NIPBL: variants seen among roughly 807,000 people sequenced by gnomAD.
NIPBL encodes the protein nipped-B-like protein.
NIPBL carries 19 observed loss-of-function variants against 321.8 expected under a neutral mutation model. That is an observed-to-expected ratio of 0.06 (90% confidence interval 0.04 to 0.09). The LOEUF (loss-of-function observed/expected upper bound fraction) is 0.09, where lower values mean the gene tolerates loss of function less well. Ranked by LOEUF, NIPBL falls within the 10% of genes least tolerant of loss-of-function variation. The probability of loss-of-function intolerance (pLI) is 1.00; values close to 1 mark genes in which losing one functional copy is unlikely to be tolerated. For missense variants in NIPBL, 2,210 were observed against 3,327.0 expected (o/e 0.66, Z 8.26); for synonymous variants, 1,106 against 1,114.1 (o/e 0.99, Z 0.14).
intron 6 of NIPBL, 51 bp downstream of exon 6, chr5:36,962,325 C>A (rs752981686): frequency 6.3e-7 from 1 of 1,593,134 alleles, no homozygotes; most frequent in Non-Finnish European, 8.6e-7. Context: ...GCTTTAATTC[C>A]AAGCAAATTT....
rs1048841375 is a variant in NIPBL, at chr5:36,893,189, A to G, written c.-80+16011A>G. 2.6e-5 allele frequency among the ~76,000 whole-genome samples: 4 copies of G among 152,206 alleles called. No homozygotes were observed. The East Asian group carries it at 5.8e-4, about 22-fold the overall frequency. On this transcript the variant is annotated intron_variant, in intron 1 of 46. Transcript: ENST00000282516. ...TCAGTTAGTTTTATACTAAATCCATACATACACTATAATGAAATCTTGTAG... is the reference window on the plus strand; with the variant it reads ...TCAGTTAGTTTTATACTAAATCCATGCATACACTATAATGAAATCTTGTAG...
chr5:36,948,891 A>G (rs1364883085), intron 1 of NIPBL, among the ~76,000 whole-genome samples: 1 of 151,886 alleles, frequency 6.6e-6, no homozygotes, highest in Non-Finnish European at 1.5e-5. Context: ...CACATGGTGT[A>G]GTATACTGAC....
At chr5:36,893,029 A>G (rs1561355116) in intron 1 of NIPBL, among the ~76,000 whole-genome samples, 3 of 152,218 alleles carry the variant, frequency 2.0e-5, no homozygotes, top group Non-Finnish European at 4.4e-5. Context: ...TTTGTTTTCT[A>G]GTATATTGAC....
In NIPBL at chr5:36,943,878, T is replaced by C. The variant is rs181258962; in HGVS notation, c.-79-9740T>C. Among the ~76,000 whole-genome samples the C allele has an allele frequency of 3.2e-3, 482 of 152,234 alleles. 4 individuals carry two copies. The highest frequency in any genetic ancestry group is 0.018 in the South Asian group (86 of 4,820). On this transcript the variant is annotated intron_variant, in intron 1 of 46. Transcript: ENST00000282516. The stretch of plus-strand genomic sequence containing the variant: ...GAGAGAATGATCAACTTTGTTGATT[T>C]CTAGGTCAAATCATATGAGGTGAGA...
In NIPBL at chr5:37,016,120, C is replaced by A. The variant is rs749218502; in HGVS notation, c.4726C>A (p.Pro1576Thr). ...AGACCTTCTTTCAACAGTCAATAAG[C>A]CTGAATGGCCAGCTGCTGAACTACT... ...VQDLLSTVNKPEWPAAELLLS... is the reference protein window; with the variant it reads ...VQDLLSTVNKTEWPAAELLLS... The change falls in exon 23 of 47, where the codon CCT (proline) becomes ACT (threonine). Residue 1576 changes from proline (P) to threonine (T), a missense_variant. Physicochemically the swap from Pro to Thr is conservative, Grantham distance 38. Coordinates refer to ENST00000282516, the MANE Select transcript of NIPBL (RefSeq NM_133433.4). The A allele has an allele frequency of 1.2e-6, 2 of 1,613,720 alleles. No homozygotes were observed. The highest frequency in any genetic ancestry group is 2.7e-5 in the African/African-American group (2 of 74,894).
chr5:36,984,155 A>G (rs916988638), intron 9 of NIPBL, among the ~76,000 whole-genome samples: 6 of 151,984 alleles, frequency 3.9e-5, no homozygotes, highest in African/African-American at 1.4e-4. Context: ...TCCCAATGGC[A>G]TGGTATATAT....
intron 1 of NIPBL, among the ~76,000 whole-genome samples, chr5:36,917,241 A>C (rs1172151846): frequency 6.6e-6 from 1 of 152,212 alleles, no homozygotes; most frequent in African/African-American, 2.4e-5. Context: ...TCTGATGACC[A>C]GTGATGATGA....
In NIPBL at chr5:37,003,322, C is replaced by A; in HGVS notation, c.3830C>A (p.Ser1277Ter). ...NILEKNIQDGSKLSTLLNHNN... is the reference protein window; with the variant it reads ...NILEKNIQDG The stretch of plus-strand genomic sequence containing the variant: ...TTGGAGAAGAATATTCAGGATGGGT[C>A]AAAGCTTTCCACTTTGTTAAATCAT... The change falls in exon 16 of 47, where the codon TCA (serine) becomes TAA (stop). Residue 1277 changes from serine (S) to a stop codon, truncating the protein, a stop_gained. Coordinates refer to ENST00000282516, the MANE Select transcript of NIPBL (RefSeq NM_133433.4). LOFTEE classifies it high-confidence loss of function. The A allele has an allele frequency of 1.2e-6, 2 of 1,603,798 alleles. No individual in the cohort carries two copies. Among genetic ancestry groups the A allele is most frequent in the South Asian group, 2.2e-5 (2 of 90,702 alleles).
At chr5:36,928,214 G>A (rs568695255) in intron 1 of NIPBL, among the ~76,000 whole-genome samples, 1 of 152,038 alleles carries the variant, frequency 6.6e-6, no homozygotes, top group Non-Finnish European at 1.5e-5. Flanking sequence ...TTCAAAACAG[G>A]GTAATTATAT....
Position 36,987,460 on chromosome 5 carries a change from G to A in NIPBL, c.3121+1159G>A, listed in dbSNP as rs529560803. 5.9e-5 allele frequency among the ~76,000 whole-genome samples: 9 copies of A among 152,264 alleles called. No individual in the cohort carries two copies. The East Asian group carries it at 1.2e-3, about 20-fold the overall frequency. On this transcript the variant is annotated intron_variant, in intron 10 of 46. Coordinates refer to ENST00000282516, the MANE Select transcript of NIPBL (RefSeq NM_133433.4). ...ATTTGCATCATCACAAAGTTGTATA[G>A]CACTGCAGTGTATTAGGAGATACAA...
At chr5:36,971,921 A>G (rs1168903220) in intron 7 of NIPBL, 24 bp from the exon 8 acceptor site, 2 of 1,598,372 alleles carry the variant, frequency 1.3e-6, no homozygotes, top group Non-Finnish European at 1.7e-6. Flanking sequence ...CATTCAAAAG[A>G]TAAATTGTAT....
intron 3 of NIPBL, 103 bp from the exon 4 acceptor site, chr5:36,958,001 A>T (rs74804890): frequency 1.8e-4 from 173 of 984,552 alleles, no homozygotes; most frequent in Non-Finnish European, 2.2e-4. Flanking sequence ...AAAAAAAAAA[A>T]TTCATATTGT....
intron 4 of NIPBL, among the ~76,000 whole-genome samples, chr5:36,961,081 G>A (rs1741565793): frequency 6.6e-6 from 1 of 152,088 alleles, no homozygotes; most frequent in Non-Finnish European, 1.5e-5. Context: ...AAGTTCCCAA[G>A]CATGAGAGAT....
intron 18 of NIPBL, 62 bp downstream of exon 18, chr5:37,007,536 C>T: frequency 8.6e-7 from 1 of 1,163,402 alleles, no homozygotes; most frequent in Non-Finnish European, 1.3e-6. Context: ...CTAGTATAAC[C>T]TAGCTCACTC....
At chr5:36,997,472 T>C (rs1746261050) in intron 11 of NIPBL, among the ~76,000 whole-genome samples, 1 of 152,178 alleles carries the variant, frequency 6.6e-6, no homozygotes, top group Admixed American at 6.6e-5. Flanking sequence ...ACCATTCTTT[T>C]CCCCTTGCTT....
intron 44 of NIPBL, among the ~76,000 whole-genome samples, chr5:37,059,624 G>A (rs1754456857): frequency 6.6e-6 from 1 of 152,028 alleles, no homozygotes; most frequent in South Asian, 2.1e-4. Flanking sequence ...ATTCTATTGT[G>A]TAATATGCCA....
chr5:36,951,629 T>C (rs1218800017), intron 1 of NIPBL, among the ~76,000 whole-genome samples: 4 of 152,222 alleles, frequency 2.6e-5, no homozygotes, highest in Non-Finnish European at 4.4e-5. Flanking sequence ...GACTACTAAC[T>C]ATGCAGTGTT....
At position 37,036,477 on chromosome 5, in the gene NIPBL, A is replaced by C; in HGVS notation, c.5961A>C (p.Glu1987Asp). ...TTGAGCACATTCTTAAATATGAGGA[A>C]TCTCTAGCTGGTAAGACATTTTATA... ...NLVEHILKYE[E>D]SLADSDNKGV... The change falls in exon 33 of 47, where the codon GAA (glutamate) becomes GAC (aspartate). Residue 1987 changes from glutamate to aspartate, a missense_variant. This residue lies in a region of NIPBL where 69 missense variants were observed against 100.8 expected (regional missense o/e 0.68). Transcript: ENST00000282516. 7.2e-7 allele frequency: 1 copy of C among 1,385,180 alleles called. No homozygotes were observed. The highest frequency in any genetic ancestry group is 9.7e-7 in the Non-Finnish European group (1 of 1,026,466). The allele number at this position is 1,385,180 out of a possible 1,614,324, so 85.8% of individuals were successfully genotyped here.
At chr5:37,019,166 A>C (rs995817003) in intron 24 of NIPBL, 145 bp from the exon 25 acceptor site, 2 of 655,182 alleles carry the variant, frequency 3.1e-6, no homozygotes, top group South Asian at 1.7e-5. Context: ...CGGAAATAAT[A>C]TTTTTCTGTT....
Sources: gnomAD v4.1 joint callset for allele counts (sites outside exome capture counted in the v4.1 genomes callset) on GRCh38, gnomAD v4.1.1 for gene constraint, gnomAD v4.1.1 regional missense constraint, MANE v1.5 for transcripts, NCBI Gene and HGNC (gene_info 2026-07-23, HGNC 2026-07-21) for gene names.